The following RXRA variants were observed in gnomAD, a reference collection of about 807,000 sequenced individuals.
RXRA encodes retinoid X receptor alpha.
A neutral mutation model predicts 44.5 loss-of-function variants in RXRA; 5 were observed. The ratio of observed to expected loss-of-function variants is 0.11; its 90% CI spans 0.06 to 0.24. The LOEUF (loss-of-function observed/expected upper bound fraction) is 0.24. Among genes scored for constraint, RXRA ranks in the 10% least tolerant of loss-of-function variants. The pLI is 1.00. For missense variants in RXRA, 412 were observed against 646.5 expected, an observed-to-expected ratio of 0.64 and a Z score of 3.93; for synonymous variants, 291 against 271.4, an observed-to-expected ratio of 1.07 and a Z score of -0.71.
chr9:134,408,016 A>C, intron 2 of RXRA, 133 bp from the exon 3 acceptor site: 155 of 557,368 alleles, frequency 2.8e-4, no homozygotes, highest in East Asian at 4.3e-4. Flanking sequence ...GGTGGGGGGC[A>C]CGGCCCTCTC....
At chr9:134,393,502 G>A (rs903677997) in intron 1 of RXRA, among the ~76,000 whole-genome samples, 3 of 152,242 alleles carry the variant, frequency 2.0e-5, no homozygotes, top group African/African-American at 7.2e-5. Context: ...GCCGCCATGG[G>A]CATCTGGCAG....
chr9:134,387,334 C>T (rs921912437), intron 1 of RXRA, among the ~76,000 whole-genome samples: 1 of 152,258 alleles, frequency 6.6e-6, no homozygotes, highest in Non-Finnish European at 1.5e-5. Flanking sequence ...TAGAAGGATG[C>T]GCTCTCGGCG....
At chr9:134,423,685 G>C in intron 6 of RXRA, 1 of 985,482 alleles carries the variant, frequency 1.0e-6, no homozygotes, top group Non-Finnish European at 1.2e-6. Context: ...GCTGTCTGCC[G>C]TTGCGGGCTC....
chr9:134,425,220 A>T, intron 6 of RXRA: 11 of 985,330 alleles, frequency 1.1e-5, no homozygotes, highest in Non-Finnish European at 1.3e-5. Context: ...TTGATGTCAC[A>T]CGTGTCTGCT....
intron 2 of RXRA, chr9:134,402,382 T>A (rs117429540): frequency 0.021 from 3,321 of 156,578 alleles, 64 homozygotes; most frequent in Admixed American, 0.044. Context: ...TGGCCAGGTG[T>A]GGCAGCGGTG....
rs573743199 is a variant in RXRA, at chr9:134,365,306, C to T, written c.29-36326C>T. On this transcript the variant is annotated intron_variant, in intron 1 of 9. Transcript: ENST00000481739. This position sits in a 1 kb window ranked among gnomAD's most constrained non-coding sequence, Gnocchi z 4.0. ...GCTCGAGCTGAAAGCCCTCGCCCCT[C>T]GTGGTGGGGCAGCGCGTCCCTGGGT... 1.3e-5 allele frequency among the ~76,000 whole-genome samples: 2 copies of T among 152,352 alleles called. No homozygotes were observed. Among genetic ancestry groups the T allele is most frequent in the Admixed American group, 6.5e-5 (1 of 15,308 alleles).
At chr9:134,424,056 T>C (rs1831393310) in intron 6 of RXRA, 1 of 985,308 alleles carries the variant, frequency 1.0e-6, no homozygotes, top group African/African-American at 1.7e-5. Context: ...TGGCAGCTTC[T>C]GGCTCCAGCC....
intron 7 of RXRA, 38 bp from the exon 8 acceptor site, chr9:134,431,867 C>G: frequency 6.5e-7 from 1 of 1,532,164 alleles, no homozygotes. Flanking sequence ...AGGGCTGCGA[C>G]CTAACTGGGA....
intron 4 of RXRA, among the ~76,000 whole-genome samples, chr9:134,413,614 G>A (rs554257349): frequency 6.6e-6 from 1 of 152,336 alleles, no homozygotes; most frequent in African/African-American, 2.4e-5. Context: ...ACGGAGGAAG[G>A]ACTCAGCCAT....
intron 1 of RXRA, among the ~76,000 whole-genome samples, chr9:134,354,218 C>T (rs1830256027): frequency 6.6e-6 from 1 of 152,184 alleles, no homozygotes; most frequent in Non-Finnish European, 1.5e-5. Flanking sequence ...CTGTGGGGCA[C>T]TTCTGCGTGC....
intron 1 of RXRA, among the ~76,000 whole-genome samples, chr9:134,338,156 C>G (rs1554747585): frequency 6.6e-6 from 1 of 152,134 alleles, no homozygotes; most frequent in East Asian, 1.9e-4. Flanking sequence ...TGTCAGGAGC[C>G]CTGACAGAAG....
At chr9:134,401,962 T>A in intron 2 of RXRA, 80 bp downstream of exon 2, 7 of 1,154,568 alleles carry the variant, frequency 6.1e-6, no homozygotes, top group Non-Finnish European at 7.2e-6. Flanking sequence ...GACCGCCTCA[T>A]CTTGAGGCCT....
At chr9:134,351,667 T>C (rs538273659) in intron 1 of RXRA, among the ~76,000 whole-genome samples, 5 of 152,226 alleles carry the variant, frequency 3.3e-5, no homozygotes, top group Non-Finnish European at 5.9e-5. Flanking sequence ...TGGAGCTGCG[T>C]CAATTAGAAA....
chr9:134,351,034 G>A (rs1830215714), intron 1 of RXRA, among the ~76,000 whole-genome samples: 1 of 152,242 alleles, frequency 6.6e-6, no homozygotes, highest in Non-Finnish European at 1.5e-5. Context: ...ATGGAGCACC[G>A]GCCTCAGACT....
chr9:134,421,712 GACAA>G lies in RXRA; in HGVS notation c.821_824del (p.Lys274SerfsTer46). 6.3e-7 allele frequency: 1 copy of G among 1,578,828 alleles called. No individual in the cohort carries two copies. The highest frequency in any genetic ancestry group is 8.6e-7 in the Non-Finnish European group (1 of 1,157,508). On this transcript the variant is annotated frameshift_variant, in exon 6 of 10. Coordinates refer to ENST00000481739, the MANE Select transcript of RXRA (RefSeq NM_002957.6). LOFTEE classifies it high-confidence loss of function. ...TGTCACCAACATTTGCCAAGCAGCC[GACAA>G]ACAGCTTTTCACCCTGGTGGAGTGG...
intron 1 of RXRA, among the ~76,000 whole-genome samples, chr9:134,386,814 G>A (rs1435283144): frequency 6.6e-6 from 1 of 152,198 alleles, no homozygotes; most frequent in Non-Finnish European, 1.5e-5. Flanking sequence ...TGGGCTCTGG[G>A]CAAGGGTGGG....
At chr9:134,386,348 G>C (rs1327655210) in intron 1 of RXRA, among the ~76,000 whole-genome samples, 1 of 152,252 alleles carries the variant, frequency 6.6e-6, no homozygotes, top group African/African-American at 2.4e-5. Flanking sequence ...TCTGTCGGGC[G>C]GTGGACTGGC....
intron 1 of RXRA, among the ~76,000 whole-genome samples, chr9:134,333,418 C>T (rs1285721604): frequency 1.3e-5 from 2 of 152,128 alleles, no homozygotes; most frequent in South Asian, 2.1e-4. Context: ...AGCTGGGCCT[C>T]GGTTTCCCCA....
chr9:134,418,865 C>T (rs571651160), intron 5 of RXRA, among the ~76,000 whole-genome samples: 80 of 152,352 alleles, frequency 5.3e-4, no homozygotes, highest in African/African-American at 1.8e-3. Flanking sequence ...CTCGTTGGCA[C>T]TCACACAAGG....
Sources: allele counts gnomAD v4.1 joint callset (sites outside exome capture counted in the v4.1 genomes callset), GRCh38; gene constraint gnomAD v4.1.1; non-coding constraint Gnocchi (gnomAD v3.1); transcripts MANE v1.5; gene names NCBI Gene and HGNC (gene_info 2026-07-23, HGNC 2026-07-21).